The following RAB27B variants were observed in gnomAD, a reference collection of about 807,000 sequenced individuals.
The protein encoded by RAB27B is ras-related protein Rab-27B.
RAB27B carries 15 observed loss-of-function variants against 24.6 expected under a neutral mutation model. The observed-to-expected ratio is 0.61, with a 90% confidence interval of 0.41 to 0.94. The LOEUF is 0.94. Ranked by LOEUF, RAB27B falls within the 40% of genes least tolerant of loss-of-function variation. The pLI, the probability that RAB27B is intolerant of heterozygous loss-of-function variation, is 0.00. For synonymous variants in RAB27B, 105 were observed against 92.5 expected, an observed-to-expected ratio of 1.14 and a Z score of -0.78; for missense variants, 261 against 266.8, an observed-to-expected ratio of 0.98 and a Z score of 0.15.
At chr18:54,873,396 C>T (rs1310310668) in intron 1 of RAB27B, among the ~76,000 whole-genome samples, 1 of 152,204 alleles carries the variant, frequency 6.6e-6, no homozygotes, top group Admixed American at 6.5e-5. Context: ...AGATGCATTT[C>T]CTGAAACACT....
chr18:54,814,216 T>C (rs1294978293), intron 2 of RAB27B, among the ~76,000 whole-genome samples: 2 of 152,234 alleles, frequency 1.3e-5, no homozygotes, highest in Non-Finnish European at 2.9e-5. Flanking sequence ...TTCAGACTTG[T>C]AGGCTATGAC....
chr18:54,887,546 G>T (rs949520526), intron 4 of RAB27B, among the ~76,000 whole-genome samples: 1 of 152,016 alleles, frequency 6.6e-6, no homozygotes, highest in Non-Finnish European at 1.5e-5. Flanking sequence ...AGGAATATAT[G>T]TGATGTTTTA....
At chr18:54,839,485 A>G (rs1186989550) in intron 1 of RAB27B, among the ~76,000 whole-genome samples, 1 of 152,212 alleles carries the variant, frequency 6.6e-6, no homozygotes, top group Non-Finnish European at 1.5e-5. Context: ...TAGGTAACCC[A>G]ATTACCAAAA....
At chr18:54,803,380 T>C (rs930989765) in intron 2 of RAB27B, among the ~76,000 whole-genome samples, 2 of 152,190 alleles carry the variant, frequency 1.3e-5, no homozygotes, top group Admixed American at 6.6e-5. Flanking sequence ...AAGGCCAGTG[T>C]GGCCAGAGTG....
chr18:54,825,983 C>T (rs914021714), upstream of RAB27B, among the ~76,000 whole-genome samples: 1 of 152,220 alleles, frequency 6.6e-6, no homozygotes, highest in Non-Finnish European at 1.5e-5. Flanking sequence ...ATCCTCTGCT[C>T]TTCCAAATCA....
intron 2 of RAB27B, among the ~76,000 whole-genome samples, chr18:54,766,194 C>T (rs1269118497): frequency 2.0e-5 from 3 of 152,048 alleles, no homozygotes; most frequent in African/African-American, 4.8e-5. Context: ...TCATGGTAGA[C>T]CCTCCAGAAA....
At chr18:54,771,346 G>A (rs1908541606) in intron 2 of RAB27B, among the ~76,000 whole-genome samples, 1 of 152,044 alleles carries the variant, frequency 6.6e-6, no homozygotes. Context: ...GAAGTTGAAG[G>A]ATACGGAAGA....
At chr18:54,824,082 A>G (rs1750898168), upstream of RAB27B, among the ~76,000 whole-genome samples, 1 of 152,182 alleles carries the variant, frequency 6.6e-6, no homozygotes, top group Non-Finnish European at 1.5e-5. Flanking sequence ...TTGAGGGTTT[A>G]GCTGTCTTCT....
intron 2 of RAB27B, among the ~76,000 whole-genome samples, chr18:54,736,640 T>C (rs1372265663): frequency 6.6e-6 from 1 of 152,056 alleles, no homozygotes; most frequent in Non-Finnish European, 1.5e-5. Flanking sequence ...TCTCTGGGTG[T>C]GTGTGTGGAG....
chr18:54,725,645 C>T (rs549770344), intron 2 of RAB27B, among the ~76,000 whole-genome samples: 9 of 151,582 alleles, frequency 5.9e-5, no homozygotes, highest in African/African-American at 1.7e-4. Flanking sequence ...CCTCTTCACA[C>T]GGTGGCAGGA....
At chr18:54,755,586 T>C (rs1438181698) in intron 2 of RAB27B, among the ~76,000 whole-genome samples, 1 of 152,144 alleles carries the variant, frequency 6.6e-6, no homozygotes, top group Non-Finnish European at 1.5e-5. Flanking sequence ...CCAGGCACTT[T>C]GATATTTCAC....
intron 1 of RAB27B, among the ~76,000 whole-genome samples, chr18:54,864,337 T>A (rs1441488447): frequency 6.6e-6 from 1 of 152,216 alleles, no homozygotes. Context: ...TGCTCATTTT[T>A]AAAGTTTGGT....
rs547669693 is a variant in RAB27B at position 54,889,135 on chromosome 18, G to A, written c.468-89G>A. The A allele has an allele frequency of 2.5e-4, 318 of 1,258,130 alleles. No homozygotes were observed. In the African/African-American group the frequency reaches 3.9e-3, roughly 15 times the overall value. 77.9% of individuals were successfully genotyped at this position (1,258,130 alleles called of 1,614,324 possible). A position where few individuals can be genotyped will look rare whatever the true frequency, so the allele number is the denominator to read the frequency against. ...TCATTTCACAATCTCTCAGCCAGCC[G>A]TTTTTGCATGTGTGATTCACTTGTA... On this transcript the variant is annotated intron_variant, in intron 5 of 5. Coordinates refer to ENST00000262094, the MANE Select transcript of RAB27B (RefSeq NM_004163.4).
In RAB27B at chr18:54,835,972, G is replaced by A. The variant is rs953847871; in HGVS notation, c.-20+7272G>A. Among the ~76,000 whole-genome samples, 22 of 151,896 alleles carry A rather than the reference G, an allele frequency of 1.4e-4. 1 individual carries two copies. The highest frequency in any genetic ancestry group is 3.9e-4 in the Admixed American group (6 of 15,266). ...AATTTGGGTGCCCTCAGGAATGTAC[G>A]TACTTGATGAGAATTTATGCATCTG... On this transcript the variant is annotated intron_variant, in intron 1 of 5. Coordinates refer to ENST00000262094, the MANE Select transcript of RAB27B (RefSeq NM_004163.4).
At position 54,832,825 on chromosome 18, in the gene RAB27B, G is replaced by A. The variant is rs1395684726; in HGVS notation, c.-20+4125G>A. Among the ~76,000 whole-genome samples the A allele has an allele frequency of 2.0e-5, 3 of 152,196 alleles. No individual in the cohort carries two copies. In the East Asian group the frequency reaches 5.8e-4, roughly 29 times the overall value. On this transcript the variant is annotated intron_variant, in intron 1 of 5. Transcript: ENST00000262094. Reference sequence around the variant, plus strand: ...GAGGACAGAGAAGTGATGATTGCATGTGGCGGTGTGGAATCATTGGCAGCT... The same window carrying A: ...GAGGACAGAGAAGTGATGATTGCATATGGCGGTGTGGAATCATTGGCAGCT...
intron 1 of RAB27B, among the ~76,000 whole-genome samples, chr18:54,835,636 A>G (rs1462758293): frequency 6.6e-6 from 1 of 152,026 alleles, no homozygotes; most frequent in Non-Finnish European, 1.5e-5. Context: ...GTAATAAAAC[A>G]GACTTAAATA....
rs117200022 is a variant in RAB27B at position 54,757,246 on chromosome 18, G to A, written c.-20+39105G>A. Among the ~76,000 whole-genome samples, 1,041 of 152,212 alleles carry A rather than the reference G, an allele frequency of 6.8e-3. 9 individuals are homozygous for A. The highest frequency in any genetic ancestry group is 0.012 in the Non-Finnish European group (842 of 68,004). On this transcript the variant is annotated intron_variant, in intron 2 of 4. Transcript: ENST00000586570. ...TCAGACAGAATAGGGGACCCTGGGA[G>A]CCCATGGATTCCCAAGCCAGTATCA...
chr18:54,722,795 A>G (rs1281934583), intron 2 of RAB27B, among the ~76,000 whole-genome samples: 1 of 152,154 alleles, frequency 6.6e-6, no homozygotes, highest in East Asian at 1.9e-4. Context: ...CTATGGTGTG[A>G]TTTTAAGTAT....
At chr18:54,869,213 A>G (rs1297381082) in intron 1 of RAB27B, among the ~76,000 whole-genome samples, 1 of 152,216 alleles carries the variant, frequency 6.6e-6, no homozygotes, top group Non-Finnish European at 1.5e-5. Context: ...ATTGTTCTGC[A>G]TCTGGGATCA....
Sources: gnomAD v4.1 joint callset for allele counts (sites outside exome capture counted in the v4.1 genomes callset) on GRCh38, gnomAD v4.1.1 for gene constraint, MANE v1.5 for transcripts, NCBI Gene and HGNC (gene_info 2026-07-23, HGNC 2026-07-21) for gene names.